EPB41L2: variants seen among roughly 807,000 people sequenced by gnomAD.
The protein encoded by EPB41L2 is band 4.1-like protein 2.
EPB41L2 carries 43 observed loss-of-function variants against 113.0 expected under a neutral mutation model. That is an observed-to-expected ratio of 0.38 (90% CI 0.30 to 0.49). The LOEUF (loss-of-function observed/expected upper bound fraction) is 0.49, where lower values mean the gene tolerates loss of function less well. Ranked by LOEUF, EPB41L2 falls within the 20% of genes least tolerant of loss-of-function variation. The pLI, the probability that EPB41L2 is intolerant of heterozygous loss-of-function variation, is 0.95. For missense variants in EPB41L2, 1,147 were observed against 1,223.4 expected, an observed-to-expected ratio of 0.94 and a Z score of 0.93; for synonymous variants, 442 against 436.7, an observed-to-expected ratio of 1.01 and a Z score of -0.15.
At chr6:131,047,854 A>G (rs1795756009) in intron 1 of EPB41L2, among the ~76,000 whole-genome samples, 1 of 152,220 alleles carries the variant, frequency 6.6e-6, no homozygotes, top group Admixed American at 6.5e-5. Flanking sequence ...AGAAAAAAGA[A>G]AAATCGGCTG....
chr6:131,008,700 C>A lies in EPB41L2; in HGVS notation c.-14-52201G>T, dbSNP rs1220981814. Among the ~76,000 whole-genome samples, 3 of 152,196 alleles carry A rather than the reference C, an allele frequency of 2.0e-5. No individual in the cohort carries two copies. In the East Asian group the frequency reaches 5.8e-4, roughly 29 times the overall value. ...TGGAACTTCCCAAGGCCATGGGAGC[C>A]CAACTCTTGCATCATGATCTGGATG... is the stretch of plus-strand genomic sequence containing the variant. On this transcript the variant is annotated intron_variant, in intron 1 of 19. Coordinates refer to ENST00000337057, the MANE Select transcript of EPB41L2 (RefSeq NM_001431.4).
At chr6:130,874,260 T>G (rs527799303) in intron 14 of EPB41L2, among the ~76,000 whole-genome samples, 12 of 150,802 alleles carry the variant, frequency 8.0e-5, no homozygotes, top group Admixed American at 5.9e-4. Flanking sequence ...AAATGCAATG[T>G]ATTTTTTTTT....
intron 6 of EPB41L2, among the ~76,000 whole-genome samples, chr6:130,903,249 A>G (rs1796783220): frequency 1.3e-5 from 2 of 152,172 alleles, no homozygotes. Context: ...CCTGCAGTGA[A>G]GCTCTGCATC....
chr6:131,062,867 G>C (rs1253947424), intron 1 of EPB41L2, among the ~76,000 whole-genome samples: 1 of 151,988 alleles, frequency 6.6e-6, no homozygotes, highest in African/African-American at 2.4e-5. Context: ...ACCGCGGGGA[G>C]CAGCGAAGCC....
chr6:130,861,556 C>G (rs1782056681), intron 18 of EPB41L2, among the ~76,000 whole-genome samples: 1 of 152,078 alleles, frequency 6.6e-6, no homozygotes, highest in Admixed American at 6.5e-5. Flanking sequence ...GACAAGCAGA[C>G]CAAAAGCCAC....
chr6:130,967,704 C>G (rs1365299018), intron 1 of EPB41L2, among the ~76,000 whole-genome samples: 1 of 152,186 alleles, frequency 6.6e-6, no homozygotes, highest in Non-Finnish European at 1.5e-5. Context: ...AGCTTGTCAT[C>G]AGTTTCCTGT....
At chr6:130,950,063 A>G (rs1249235699) in intron 3 of EPB41L2, among the ~76,000 whole-genome samples, 1 of 152,158 alleles carries the variant, frequency 6.6e-6, no homozygotes. Flanking sequence ...GTAAAATTTC[A>G]ACTGTGCAGA....
intron 4 of EPB41L2, among the ~76,000 whole-genome samples, chr6:130,922,011 A>C (rs977258731): frequency 1.3e-5 from 2 of 152,248 alleles, no homozygotes; most frequent in African/African-American, 4.8e-5. Flanking sequence ...TTTTAACTGG[A>C]AAGGAAGGAA....
chr6:131,060,687 C>A (rs1798483597), intron 1 of EPB41L2, among the ~76,000 whole-genome samples: 1 of 152,172 alleles, frequency 6.6e-6, no homozygotes, highest in African/African-American at 2.4e-5. Context: ...CCCAGGCAGT[C>A]AGTAAATCGT....
intron 11 of EPB41L2, among the ~76,000 whole-genome samples, chr6:130,887,788 G>A (rs1395344116): frequency 1.3e-5 from 2 of 152,054 alleles, no homozygotes; most frequent in Admixed American, 6.6e-5. Context: ...TTTAAGTAAC[G>A]TCCCTGTTCA....
Position 130,952,808 on chromosome 6 carries a change from T to G in EPB41L2, c.705+2297A>C, listed in dbSNP as rs575665347. ...CTGGGCCACAGAGCAAGACTCCATC[T>G]CAAAAAAAAAAAATCTAAAACACAT... On this transcript the variant is annotated intron_variant, in intron 3 of 19. Transcript: ENST00000337057. Among the ~76,000 whole-genome samples, 209 of 135,252 alleles carry G rather than the reference T, an allele frequency of 1.5e-3. 2 individuals carry two copies. The highest frequency in any genetic ancestry group is 5.3e-3 in the African/African-American group (196 of 36,958). 88.7% of individuals were successfully genotyped at this position (135,252 alleles called of 152,430 possible). A position where few individuals can be genotyped will look rare whatever the true frequency, so the allele number is the denominator to read the frequency against.
intron 1 of EPB41L2, among the ~76,000 whole-genome samples, chr6:130,986,229 T>C (rs750281205): frequency 6.6e-5 from 10 of 152,066 alleles, no homozygotes; most frequent in Admixed American, 1.3e-4. Context: ...ATCACCTCAA[T>C]AGACACAGAA....
intron 4 of EPB41L2, among the ~76,000 whole-genome samples, chr6:130,915,225 C>G (rs904345301): frequency 1.6e-4 from 25 of 151,692 alleles, no homozygotes; most frequent in Admixed American, 2.6e-4. Context: ...ATGGCGTGAA[C>G]CCGGGAGGCG....
chr6:131,010,243 G>A (rs976769485), intron 1 of EPB41L2, among the ~76,000 whole-genome samples: 1 of 152,146 alleles, frequency 6.6e-6, no homozygotes, highest in South Asian at 2.1e-4. Flanking sequence ...TCAAGGGCCA[G>A]TAGAAGTGAA....
At chr6:130,944,990 C>T (rs1266695726) in intron 3 of EPB41L2, among the ~76,000 whole-genome samples, 1 of 152,168 alleles carries the variant, frequency 6.6e-6, no homozygotes, top group East Asian at 1.9e-4. Flanking sequence ...AATTACCACC[C>T]TAAATCCTGT....
chr6:131,057,386 AG>A (rs1190181514), intron 1 of EPB41L2, among the ~76,000 whole-genome samples: 1 of 152,222 alleles, frequency 6.6e-6, no homozygotes, highest in Non-Finnish European at 1.5e-5. Context: ...ATCTCCCTCA[AG>A]GTAAATGAAT....
intron 3 of EPB41L2, among the ~76,000 whole-genome samples, chr6:130,953,558 C>T (rs369123178): frequency 5.6e-4 from 85 of 152,000 alleles, no homozygotes; most frequent in African/African-American, 2.0e-3. Flanking sequence ...AGGAGATATA[C>T]TTAATTTAAA....
At chr6:131,019,910 G>C (rs1584561160) in intron 1 of EPB41L2, among the ~76,000 whole-genome samples, 2 of 152,222 alleles carry the variant, frequency 1.3e-5, no homozygotes, top group Non-Finnish European at 1.5e-5. Flanking sequence ...TTCTGGAACA[G>C]TGTGGGAGTT....
chr6:131,060,115 C>T (rs1362792591), intron 1 of EPB41L2, among the ~76,000 whole-genome samples: 1 of 152,174 alleles, frequency 6.6e-6, no homozygotes, highest in Non-Finnish European at 1.5e-5. Flanking sequence ...AGAAAAAGGC[C>T]CATGTCTTCA....
Sources: gnomAD v4.1 joint callset for allele counts (sites outside exome capture counted in the v4.1 genomes callset) on GRCh38, gnomAD v4.1.1 for gene constraint, MANE v1.5 for transcripts, NCBI Gene and HGNC (gene_info 2026-07-23, HGNC 2026-07-21) for gene names.